The following SATB2 variants were observed in gnomAD, a reference collection of about 807,000 sequenced individuals.
The protein encoded by SATB2 is DNA-binding protein SATB2.
In SATB2, 1 loss-of-function variant was observed where a neutral mutation model predicts 73.4. The observed-to-expected ratio is 0.01, with a 90% CI of 0.00 to 0.06. The LOEUF is 0.06. Among genes scored for constraint, SATB2 ranks in the 10% least tolerant of loss-of-function variants. The pLI is 1.00. For synonymous variants in SATB2, 397 were observed against 367.0 expected, an observed-to-expected ratio of 1.08 and a Z score of -0.93; for missense variants, 459 against 945.8, an observed-to-expected ratio of 0.49 and a Z score of 6.75.
chr2:199,345,325 AG>A (rs1688618953), intron 7 of SATB2, among the ~76,000 whole-genome samples: 1 of 151,810 alleles, frequency 6.6e-6, no homozygotes, highest in African/African-American at 2.4e-5. Context: ...CACAACGTGC[AG>A]GTTTGTTACA....
At chr2:199,440,675 T>C (rs114828316) in intron 2 of SATB2, among the ~76,000 whole-genome samples, 4,134 of 152,196 alleles carry the variant, frequency 0.027, 98 homozygotes, top group Middle Eastern at 0.044. Context: ...GCTTGTAAAC[T>C]ACACATTCCC....
At chr2:199,345,534 C>T (rs1233549082) in intron 7 of SATB2, among the ~76,000 whole-genome samples, 1 of 151,650 alleles carries the variant, frequency 6.6e-6, no homozygotes, top group Non-Finnish European at 1.5e-5. Context: ...TAACCTTACT[C>T]CAACCACTCT....
In SATB2 at chr2:199,433,351, C is replaced by T. The variant is rs140116634; in HGVS notation, c.333G>A (p.Ala111=). 7 of 1,613,834 alleles carry T rather than the reference C, an allele frequency of 4.3e-6. No homozygotes were observed. The highest frequency in any genetic ancestry group is 2.7e-5 in the African/African-American group (2 of 75,036). ...LLALGYSHSS[A]AQAQGIIKLG... ...AGGCATTAATACCTTGGGCCTGGGC[C>T]GCAGAGCTGTGAGAATACCCCAGGG... The change falls in exon 3 of 11, where the codon GCG becomes GCA. Residue 111 remains alanine, a synonymous_variant. Transcript: ENST00000417098.
chr2:199,399,228 T>C (rs534341720), intron 3 of SATB2, among the ~76,000 whole-genome samples: 3 of 152,308 alleles, frequency 2.0e-5, no homozygotes, highest in East Asian at 3.9e-4. Flanking sequence ...GCCAAGATCC[T>C]GCCACTGCAC....
In SATB2 at chr2:199,441,078, C is replaced by G. The variant is rs372458108; in HGVS notation, c.170-7564G>C. On this transcript the variant is annotated intron_variant, in intron 2 of 10. Transcript: ENST00000417098. Reference sequence around the variant, plus strand: ...GTCAGGCTGGTCTTGAACTCCCAACCTCAGGTGATCCGCCTGCCTCGACCT... The same window carrying G: ...GTCAGGCTGGTCTTGAACTCCCAACGTCAGGTGATCCGCCTGCCTCGACCT... Among the ~76,000 whole-genome samples, 109 of 152,150 alleles carry G rather than the reference C, an allele frequency of 7.2e-4. 1 individual carries two copies. Among genetic ancestry groups the G allele is most frequent in the African/African-American group, 2.3e-3 (94 of 41,512 alleles).
chr2:199,456,310 CCAGTCG>C, intron 1 of SATB2, among the ~76,000 whole-genome samples: 1 of 152,350 alleles, frequency 6.6e-6, no homozygotes, highest in East Asian at 1.9e-4. Context: ...GCGACTCTGC[CCAGTCG>C]CAGCTCCCCA....
At chr2:199,377,926 G>A (rs1048115939) in intron 5 of SATB2, among the ~76,000 whole-genome samples, 1 of 152,202 alleles carries the variant, frequency 6.6e-6, no homozygotes, top group Non-Finnish European at 1.5e-5. Context: ...AGCAAACCAT[G>A]AGAGCAGAGA....
chr2:199,327,683 T>C (rs1219091381), intron 8 of SATB2, among the ~76,000 whole-genome samples: 3 of 152,098 alleles, frequency 2.0e-5, no homozygotes, highest in Admixed American at 2.0e-4. Flanking sequence ...AAGCACACAT[T>C]ACTAGATGTA....
intron 6 of SATB2, among the ~76,000 whole-genome samples, chr2:199,363,977 C>G (rs528276480): frequency 5.3e-5 from 8 of 152,292 alleles, no homozygotes; most frequent in Admixed American, 1.3e-4. Context: ...AAGTAAGTTA[C>G]TTTTACCTCA....
At chr2:199,406,562 G>T (rs754922278) in intron 3 of SATB2, among the ~76,000 whole-genome samples, 26 of 152,064 alleles carry the variant, frequency 1.7e-4, no homozygotes, top group Non-Finnish European at 3.8e-4. Context: ...TAGTCATCTG[G>T]CTTATAGTAC....
chr2:199,430,297 G>A, intron 3 of SATB2, among the ~76,000 whole-genome samples: 1 of 152,210 alleles, frequency 6.6e-6, no homozygotes, highest in Admixed American at 6.5e-5. Context: ...TCTTTCAAAA[G>A]ACTTTCAATG....
At chr2:199,286,334 T>C (rs529713657) in intron 10 of SATB2, among the ~76,000 whole-genome samples, 9 of 152,310 alleles carry the variant, frequency 5.9e-5, no homozygotes, top group East Asian at 3.9e-4. Flanking sequence ...ACACATGATG[T>C]ACCTAGTGGC....
intron 3 of SATB2, among the ~76,000 whole-genome samples, chr2:199,403,739 G>A (rs1690550699): frequency 6.6e-6 from 1 of 152,156 alleles, no homozygotes; most frequent in Non-Finnish European, 1.5e-5. Flanking sequence ...AACATGAACA[G>A]TTATAATGTT....
At chr2:199,365,009 T>C (rs2105845416) in intron 6 of SATB2, among the ~76,000 whole-genome samples, 1 of 152,138 alleles carries the variant, frequency 6.6e-6, no homozygotes, top group Middle Eastern at 3.4e-3. Flanking sequence ...AAAAGTTGTG[T>C]AAAAAATTAA....
At chr2:199,421,372 G>A (rs555463029) in intron 3 of SATB2, among the ~76,000 whole-genome samples, 7 of 152,136 alleles carry the variant, frequency 4.6e-5, no homozygotes, top group Non-Finnish European at 1.0e-4. Context: ...AGCAAATATG[G>A]GAGATTTCAT....
intron 10 of SATB2, among the ~76,000 whole-genome samples, chr2:199,299,483 C>A (rs2105754910): frequency 6.6e-6 from 1 of 152,176 alleles, no homozygotes; most frequent in Admixed American, 6.6e-5. Flanking sequence ...CACCCAGGGT[C>A]AGGAACAGAG....
intron 10 of SATB2, among the ~76,000 whole-genome samples, chr2:199,285,219 T>C (rs1311807388): frequency 2.0e-5 from 3 of 152,082 alleles, no homozygotes; most frequent in Non-Finnish European, 2.9e-5. Context: ...TTGGATGACA[T>C]GAATCACACT....
rs955813977 is a variant in SATB2, at chr2:199,368,894, T to C, written c.598-187A>G. 1.5e-4 allele frequency: 77 copies of C among 507,250 alleles called. No homozygotes were observed. The East Asian group carries it at 2.6e-3, about 17-fold the overall frequency. The allele number at this position is 507,250 out of a possible 1,614,324, so 31.4% of individuals were successfully genotyped here. A position where few individuals can be genotyped will look rare whatever the true frequency, so the allele number is the denominator to read the frequency against. ...TTTACCATCCCTTTAATTTATACAA[T>C]GATAGTGCTTTCTCCAAAAAGCCAA... On this transcript the variant is annotated intron_variant, in intron 5 of 10. Transcript: ENST00000417098.
At chr2:199,336,272 T>C (rs1320235759) in intron 7 of SATB2, among the ~76,000 whole-genome samples, 3 of 152,144 alleles carry the variant, frequency 2.0e-5, no homozygotes, top group Non-Finnish European at 2.9e-5. Flanking sequence ...TTACTAGTAG[T>C]GTTCTTCAGC....
Sources: allele counts gnomAD v4.1 joint callset (sites outside exome capture counted in the v4.1 genomes callset), GRCh38; gene constraint gnomAD v4.1.1; transcripts MANE v1.5; gene names NCBI Gene and HGNC (gene_info 2026-07-23, HGNC 2026-07-21).